The following CSMD1 variants were observed in gnomAD, a reference collection of about 807,000 sequenced individuals.
CSMD1 encodes CUB and sushi domain-containing protein 1.
In CSMD1, 213 loss-of-function variants were observed where a neutral mutation model predicts 417.5. That is an observed-to-expected ratio of 0.51 (90% CI 0.46 to 0.57). The LOEUF (loss-of-function observed/expected upper bound fraction) is 0.57. CSMD1 is among the 20% of genes least tolerant of loss of function. The pLI is 0.00. For missense variants in CSMD1, 6,923 were observed against 4,529.7 expected, an observed-to-expected ratio of 1.53 and a Z score of -15.17; for synonymous variants, 2,862 against 1,736.8, an observed-to-expected ratio of 1.65 and a Z score of -16.11.
At chr8:3,378,155 G>C (rs553272534) in intron 18 of CSMD1, among the ~76,000 whole-genome samples, 7 of 152,286 alleles carry the variant, frequency 4.6e-5, no homozygotes, top group Non-Finnish European at 8.8e-5. Flanking sequence ...TTATTTTCTA[G>C]GTCACCTGCT....
intron 2 of CSMD1, among the ~76,000 whole-genome samples, chr8:4,420,546 A>C (rs1034914905): frequency 6.6e-6 from 1 of 152,116 alleles, no homozygotes. Flanking sequence ...TTTTCTAATA[A>C]AAAATATGAC....
intron 7 of CSMD1, among the ~76,000 whole-genome samples, chr8:3,695,708 A>G (rs1800514561): frequency 6.6e-6 from 1 of 152,222 alleles, no homozygotes; most frequent in Non-Finnish European, 1.5e-5. Flanking sequence ...AAAGTTACTA[A>G]AACAGCAGTT....
chr8:3,585,998 C>T (rs1584924839), intron 9 of CSMD1, 138 bp downstream of exon 9: 1 of 845,454 alleles, frequency 1.2e-6, no homozygotes, highest in South Asian at 2.3e-5. Context: ...TTATTACCCA[C>T]ATCACTATGA....
intron 3 of CSMD1, among the ~76,000 whole-genome samples, chr8:4,172,150 T>C (rs942101066): frequency 1.3e-5 from 2 of 152,176 alleles, no homozygotes; most frequent in East Asian, 1.9e-4. Flanking sequence ...TTTGAAAAGA[T>C]GGACCTAAGA....
chr8:4,095,064 A>C (rs1336807014), intron 3 of CSMD1, among the ~76,000 whole-genome samples: 1 of 152,220 alleles, frequency 6.6e-6, no homozygotes, highest in East Asian at 1.9e-4. Context: ...GCTTTGGGCT[A>C]ACAAGAGCTT....
At chr8:3,794,240 C>T (rs932868134) in intron 5 of CSMD1, among the ~76,000 whole-genome samples, 2 of 152,208 alleles carry the variant, frequency 1.3e-5, no homozygotes, top group African/African-American at 4.8e-5. Context: ...CTGTTCTACG[C>T]AGTTGAGATG....
intron 3 of CSMD1, among the ~76,000 whole-genome samples, chr8:4,353,859 A>T (rs1801241750): frequency 6.6e-6 from 1 of 152,168 alleles, no homozygotes. Flanking sequence ...ATTATGGCTC[A>T]TCTGGTTTAC....
chr8:4,015,039 T>C (rs75711848), intron 4 of CSMD1, among the ~76,000 whole-genome samples: 1 of 152,174 alleles, frequency 6.6e-6, no homozygotes, highest in Non-Finnish European at 1.5e-5. Flanking sequence ...ACTGATTTTT[T>C]TGAACAGTTT....
intron 3 of CSMD1, among the ~76,000 whole-genome samples, chr8:4,265,381 A>G (rs1804178629): frequency 9.3e-6 from 1 of 107,680 alleles, no homozygotes; most frequent in African/African-American, 2.5e-5. Context: ...ACATGTTACA[A>G]TTAGTAAACA....
intron 1 of CSMD1, among the ~76,000 whole-genome samples, chr8:4,690,021 T>C (rs1219787677): frequency 6.6e-6 from 1 of 152,096 alleles, no homozygotes; most frequent in Non-Finnish European, 1.5e-5. Flanking sequence ...AATAAAGCAA[T>C]GGGTTTAGAG....
At chr8:4,859,842 G>A (rs1396203218) in intron 1 of CSMD1, among the ~76,000 whole-genome samples, 4 of 152,154 alleles carry the variant, frequency 2.6e-5, no homozygotes, top group East Asian at 3.9e-4. Flanking sequence ...CATTGTGGAA[G>A]TCAGTGTGGC....
chr8:4,017,249 C>G (rs529317423), intron 4 of CSMD1, among the ~76,000 whole-genome samples: 12 of 152,062 alleles, frequency 7.9e-5, no homozygotes, highest in South Asian at 6.2e-4. Context: ...TTTCACAATT[C>G]AAGGCTATGC....
chr8:4,171,014 T>C (rs539350544), intron 3 of CSMD1, among the ~76,000 whole-genome samples: 28 of 152,040 alleles, frequency 1.8e-4, no homozygotes, highest in African/African-American at 6.5e-4. Context: ...CATGGGATAA[T>C]GGCCTTCCAT....
intron 2 of CSMD1, among the ~76,000 whole-genome samples, chr8:4,446,369 A>G (rs1180711515): frequency 6.6e-6 from 1 of 152,064 alleles, no homozygotes; most frequent in Non-Finnish European, 1.5e-5. Flanking sequence ...GCAACATGGC[A>G]GAACCCCAAC....
intron 3 of CSMD1, among the ~76,000 whole-genome samples, chr8:4,041,098 G>A (rs1277084132): frequency 3.6e-5 from 5 of 140,234 alleles, no homozygotes; most frequent in Admixed American, 7.5e-5. Flanking sequence ...CTCACTGCAA[G>A]CTCCGCCTCC....
At chr8:3,547,892 T>C (rs893826178) in intron 10 of CSMD1, among the ~76,000 whole-genome samples, 1 of 152,190 alleles carries the variant, frequency 6.6e-6, no homozygotes, top group African/African-American at 2.4e-5. Flanking sequence ...GAATAAGAAG[T>C]ACTCCTAAAA....
At chr8:3,308,589 A>G (rs1447037483) in intron 23 of CSMD1, 86 bp from the exon 24 acceptor site, 3 of 1,097,728 alleles carry the variant, frequency 2.7e-6, no homozygotes, top group African/African-American at 3.1e-5. Context: ...AGGTTGCTAA[A>G]TGCTCCTTGA....
chr8:3,625,608 T>A (rs1460592603), intron 7 of CSMD1, among the ~76,000 whole-genome samples: 1 of 152,164 alleles, frequency 6.6e-6, no homozygotes, highest in East Asian at 1.9e-4. Context: ...AAAAAATACA[T>A]TTCAGCTTCT....
At chr8:3,945,178 C>G (rs200600983) in intron 5 of CSMD1, among the ~76,000 whole-genome samples, 1 of 118,938 alleles carries the variant, frequency 8.4e-6, no homozygotes, top group Non-Finnish European at 1.8e-5. Flanking sequence ...ATGAGAAAGA[C>G]AAAAAAAAAA....
Sources: gnomAD v4.1 joint callset for allele counts (sites outside exome capture counted in the v4.1 genomes callset) on GRCh38, gnomAD v4.1.1 for gene constraint, MANE v1.5 for transcripts, NCBI Gene and HGNC (gene_info 2026-07-23, HGNC 2026-07-21) for gene names.